Variants in NPRL3 observed in about 807,000 individuals in gnomAD.
NPRL3 encodes the protein NPR3 like, GATOR1 complex subunit.
A neutral mutation model predicts 57.2 loss-of-function variants in NPRL3; 23 were observed. The ratio of observed to expected loss-of-function variants is 0.40; its 90% CI spans 0.29 to 0.57. NPRL3 has a LOEUF of 0.57. Among genes scored for constraint, NPRL3 ranks in the 20% least tolerant of loss-of-function variants. NPRL3 has a pLI of 0.42. For synonymous variants in NPRL3, 333 were observed against 321.1 expected (o/e 1.04, Z -0.39); for missense variants, 691 against 767.1 (o/e 0.90, Z 1.17).
chr16:110,594 G>A lies in NPRL3; in HGVS notation c.560C>T (p.Pro187Leu), dbSNP rs1423126301. The stretch of plus-strand genomic sequence containing the variant: ...CAGGATGTGATGGAATGGGGACTGA[G>A]GACCTTCATTTCCTACAAGAATCAC... ...VSAMADGNEG[P>L]QSPFHHILPK... is the part of the protein sequence containing the mutation. The change falls in exon 7 of 14, where the codon CCT becomes CTT. Residue 187 changes from proline (P) to leucine (L), a missense_variant. Transcript: ENST00000611875. The A allele has an allele frequency of 2.5e-6, 4 of 1,609,704 alleles. No homozygotes were observed. Among genetic ancestry groups the A allele is most frequent in the East Asian group, 2.2e-5 (1 of 44,832 alleles).
intron 2 of NPRL3, among the ~76,000 whole-genome samples, chr16:132,726 G>C (rs1249032771): frequency 6.7e-6 from 1 of 148,256 alleles, no homozygotes; most frequent in Non-Finnish European, 1.5e-5. Context: ...CTGGAGTGCA[G>C]TGGCGGGATC....
At chr16:124,140 C>T (rs1053362506) in intron 3 of NPRL3, among the ~76,000 whole-genome samples, 1 of 151,874 alleles carries the variant, frequency 6.6e-6, no homozygotes, top group African/African-American at 2.4e-5. Context: ...ACACTCCCCA[C>T]GCTGAGAAAC....
At chr16:128,072 A>G (rs1459275276) in intron 3 of NPRL3, among the ~76,000 whole-genome samples, 1 of 150,180 alleles carries the variant, frequency 6.7e-6, no homozygotes, top group African/African-American at 2.5e-5. Flanking sequence ...GCTCACTGCA[A>G]CCTCCGCCTC....
intron 11 of NPRL3, 76 bp from the exon 12 acceptor site, chr16:89,978 C>G (rs140009184): frequency 7.5e-7 from 1 of 1,338,354 alleles, no homozygotes; most frequent in Admixed American, 2.5e-5. Flanking sequence ...AGCCATGGCC[C>G]TAGACATGGC....
At position 92,738 on chromosome 16, in the gene NPRL3, G is replaced by A; in HGVS notation, c.1032-13C>T. Reference sequence around the variant, plus strand: ...CAGCGGGGAGTACCTGCAGGCAGGTGAGCATGCCAGTGAGTGCAGCAGACC... The same window carrying A: ...CAGCGGGGAGTACCTGCAGGCAGGTAAGCATGCCAGTGAGTGCAGCAGACC... On this transcript the variant is annotated splice_polypyrimidine_tract_variant and intron_variant, in intron 10 of 13. Coordinates refer to ENST00000611875, the MANE Select transcript of NPRL3 (RefSeq NM_001077350.3). 6.2e-7 allele frequency: 1 copy of A among 1,612,612 alleles called. No individual in the cohort carries two copies.
At position 103,640 on chromosome 16, in the gene NPRL3, C is replaced by A. The variant is rs114898564; in HGVS notation, c.630-3131G>T. On this transcript the variant is annotated intron_variant, in intron 7 of 13. Coordinates refer to ENST00000611875, the MANE Select transcript of NPRL3 (RefSeq NM_001077350.3). ...TGGAGTGCAGCAGGGAAGAAAATAA[C>A]TTGGCTGCTCTGCACGCTGGGGGCT... Among the ~76,000 whole-genome samples, 732 of 152,236 alleles carry A rather than the reference C, an allele frequency of 4.8e-3. 7 individuals are homozygous for A. Among genetic ancestry groups the A allele is most frequent in the African/African-American group, 0.017 (695 of 41,542 alleles).
intron 13 of NPRL3, among the ~76,000 whole-genome samples, chr16:87,386 A>G (rs1898525669): frequency 6.6e-6 from 1 of 151,830 alleles, no homozygotes; most frequent in African/African-American, 2.4e-5. Context: ...GGAGTGCGCT[A>G]CCACACCTGG....
rs140092767 is a variant in NPRL3, at chr16:112,635, G to A, written c.534C>T (p.Ser178=). The change falls in exon 6 of 14, where the codon TCC becomes TCT. Residue 178 remains serine, a synonymous_variant. Coordinates refer to ENST00000611875, the MANE Select transcript of NPRL3 (RefSeq NM_001077350.3). ...KLILALQDEV[S]AMADGNEGPQ... Reference sequence around the variant, plus strand: ...TGCTGCACTCACCATCAGCCATGGCGGACACCTCATCCTGGAGCGCCAGGA... The same window carrying A: ...TGCTGCACTCACCATCAGCCATGGCAGACACCTCATCCTGGAGCGCCAGGA... 1,108 of 1,589,352 alleles carry A rather than the reference G, an allele frequency of 7.0e-4. 7 individuals carry two copies. The African/African-American group carries it at 0.013, about 19-fold the overall frequency.
Position 98,204 on chromosome 16 carries a change from T to C in NPRL3, c.865A>G (p.Thr289Ala). 1.2e-6 allele frequency: 2 copies of C among 1,613,972 alleles called. No homozygotes were observed. The highest frequency in any genetic ancestry group is 2.2e-5 in the South Asian group (2 of 91,090). The change falls in exon 9 of 14, where the codon ACA (threonine) becomes GCA (alanine). Residue 289 changes from threonine (T) to alanine (A), a missense_variant. Transcript: ENST00000611875. ...SPALVRVIKT[T>A]SAVKNLQQLA... is the part of the protein sequence containing the mutation. Reference sequence around the variant, plus strand: ...TGCTGCAGGTTCTTCACAGCAGATGTGGTCTTGATCACCCGCACTAGGGCA... The same window carrying C: ...TGCTGCAGGTTCTTCACAGCAGATGCGGTCTTGATCACCCGCACTAGGGCA...
chr16:111,071 A>G (rs1482176343), intron 6 of NPRL3, among the ~76,000 whole-genome samples: 1 of 152,204 alleles, frequency 6.6e-6, no homozygotes, highest in Non-Finnish European at 1.5e-5. Context: ...AATTATAATT[A>G]GTATATAATT....
At chr16:109,918 G>A (rs1181384773) in intron 7 of NPRL3, among the ~76,000 whole-genome samples, 1 of 152,116 alleles carries the variant, frequency 6.6e-6, no homozygotes, top group African/African-American at 2.4e-5. Context: ...TTAAACATAG[G>A]AGAGTGATTT....
intron 12 of NPRL3, 86 bp from the exon 13 acceptor site, chr16:88,976 A>G: frequency 1.6e-6 from 2 of 1,223,924 alleles, no homozygotes; most frequent in Admixed American, 2.0e-5. Flanking sequence ...GCCAGCCTCC[A>G]ATGACACCCC....
chr16:97,325 A>G (rs539533314), intron 9 of NPRL3, among the ~76,000 whole-genome samples: 2 of 149,234 alleles, frequency 1.3e-5, no homozygotes, highest in South Asian at 4.2e-4. Flanking sequence ...GCTAACTGCA[A>G]CCTCTGCCTC....
At chr16:122,873 C>T (rs1375208463) in intron 3 of NPRL3, among the ~76,000 whole-genome samples, 2 of 152,170 alleles carry the variant, frequency 1.3e-5, no homozygotes, top group East Asian at 3.9e-4. Context: ...CCCCACCCAC[C>T]TCCTTGCTGG....
At chr16:113,007 G>A (rs1384889157) in intron 5 of NPRL3, among the ~76,000 whole-genome samples, 1 of 152,194 alleles carries the variant, frequency 6.6e-6, no homozygotes, top group Non-Finnish European at 1.5e-5. Flanking sequence ...CTGTTCTTGG[G>A]AGTGGCTGCC....
At chr16:131,098 G>T (rs1479722109) in intron 2 of NPRL3, among the ~76,000 whole-genome samples, 1 of 152,244 alleles carries the variant, frequency 6.6e-6, no homozygotes, top group Non-Finnish European at 1.5e-5. Context: ...CCTTTAGGAG[G>T]CCAAGGTGGG....
chr16:93,732 ATTTTTGTATT>A (rs546691150), intron 9 of NPRL3, among the ~76,000 whole-genome samples: 107 of 152,066 alleles, frequency 7.0e-4, no homozygotes, highest in South Asian at 5.0e-3. Flanking sequence ...CGCCCAGCTA[ATTTTTGTATT>A]TTTAGTAGAG....
chr16:130,975 T>C (rs531629869), intron 2 of NPRL3, among the ~76,000 whole-genome samples: 2 of 152,236 alleles, frequency 1.3e-5, no homozygotes, highest in Non-Finnish European at 2.9e-5. Context: ...CACACTATAA[T>C]GAATGTAATT....
At chr16:132,286 C>T (rs553376322) in intron 2 of NPRL3, among the ~76,000 whole-genome samples, 8 of 152,176 alleles carry the variant, frequency 5.3e-5, no homozygotes, top group South Asian at 2.1e-4. Flanking sequence ...GGATTACAGG[C>T]GTGAGTCACC....
Sources: gnomAD v4.1 joint callset for allele counts (sites outside exome capture counted in the v4.1 genomes callset) on GRCh38, gnomAD v4.1.1 for gene constraint, MANE v1.5 for transcripts, NCBI Gene and HGNC (gene_info 2026-07-23, HGNC 2026-07-21) for gene names.